MORC3: variants seen among roughly 807,000 people sequenced by gnomAD.
The protein encoded by MORC3 is MORC family CW-type zinc finger 3, also known as MORC family CW-type zinc finger protein 3.
Under a neutral mutation model 109.1 loss-of-function variants are expected in MORC3, and 31 were observed. That is an observed-to-expected ratio of 0.28 (90% CI 0.21 to 0.38). The LOEUF (loss-of-function observed/expected upper bound fraction) is 0.38. Ranked by LOEUF, MORC3 falls within the 10% of genes least tolerant of loss-of-function variation. The probability of loss-of-function intolerance (pLI) is 1.00; values close to 1 mark genes in which losing one functional copy is unlikely to be tolerated. For missense variants in MORC3, 867 were observed against 1,135.8 expected (o/e 0.76, Z 3.40); for synonymous variants, 395 against 380.7 (o/e 1.04, Z -0.44).
chr21:36,358,031 G>C (rs534278177), intron 10 of MORC3, among the ~76,000 whole-genome samples: 1 of 151,344 alleles, frequency 6.6e-6, no homozygotes, highest in African/African-American at 2.4e-5. Context: ...GTGAGCCACC[G>C]CGCTCATCCT....
intron 6 of MORC3, among the ~76,000 whole-genome samples, 173 bp downstream of exon 6, chr21:36,341,719 TCACA>T (rs138050385): frequency 6.6e-6 from 1 of 152,010 alleles, no homozygotes. Flanking sequence ...TGAGGCTGTA[TCACA>T]CACACACACA....
intron 1 of MORC3, among the ~76,000 whole-genome samples, chr21:36,325,655 G>T (rs889585491): frequency 3.3e-5 from 5 of 152,204 alleles, no homozygotes; most frequent in African/African-American, 9.7e-5. Flanking sequence ...CTAGGAATTT[G>T]ACTACGGTAG....
At chr21:36,355,957 G>T (rs1050529341) in intron 9 of MORC3, among the ~76,000 whole-genome samples, 2 of 152,088 alleles carry the variant, frequency 1.3e-5, no homozygotes, top group Non-Finnish European at 2.9e-5. Flanking sequence ...GGGTCCTGTG[G>T]TGTTTTTCAA....
chr21:36,374,202 G>A (rs944814400), intron 16 of MORC3, among the ~76,000 whole-genome samples: 24 of 152,048 alleles, frequency 1.6e-4, no homozygotes, highest in African/African-American at 5.6e-4. Context: ...CAATTCTCCT[G>A]CCTCAGCCTC....
chr21:36,364,279 T>C lies in MORC3; in HGVS notation c.1619+20T>C. The C allele has an allele frequency of 6.2e-7, 1 of 1,609,248 alleles. No individual in the cohort carries two copies. Among genetic ancestry groups the C allele is most frequent in the Admixed American group, 1.7e-5 (1 of 58,440 alleles). ...CAACAGGTCAGTGGCTAAGATTGGTTTTCCATTTGGGGAATATTAAACAGA... is the reference window on the plus strand; with the variant it reads ...CAACAGGTCAGTGGCTAAGATTGGTCTTCCATTTGGGGAATATTAAACAGA... On this transcript the variant is annotated intron_variant, in intron 14 of 16. Transcript: ENST00000400485.
chr21:36,342,740 T>A (rs915481880), intron 6 of MORC3, among the ~76,000 whole-genome samples: 5 of 151,774 alleles, frequency 3.3e-5, no homozygotes, highest in Non-Finnish European at 5.9e-5. Flanking sequence ...AGAAATGGGC[T>A]AGGCACAGTG....
chr21:36,369,913 A>G, intron 15 of MORC3, 37 bp downstream of exon 15: 1 of 1,587,636 alleles, frequency 6.3e-7, no homozygotes, highest in Non-Finnish European at 8.5e-7. Flanking sequence ...CATGGAGTCC[A>G]GGGCCATTTA....
At chr21:36,370,273 T>C (rs1182121629) in intron 15 of MORC3, among the ~76,000 whole-genome samples, 1 of 152,116 alleles carries the variant, frequency 6.6e-6, no homozygotes. Context: ...TCTTATTGAG[T>C]GTCTGTTATT....
rs369740355 is a variant in MORC3, at chr21:36,324,146, A to T, written c.39+3843A>T. ...CGCCCTGGCCTCCCAAAGTGCTGGGATGACAGGCATGAGGCACCGAGCCCG... is the reference window on the plus strand; with the variant it reads ...CGCCCTGGCCTCCCAAAGTGCTGGGTTGACAGGCATGAGGCACCGAGCCCG... On this transcript the variant is annotated intron_variant, in intron 1 of 16. Coordinates refer to ENST00000400485, the MANE Select transcript of MORC3 (RefSeq NM_015358.3). Among the ~76,000 whole-genome samples the T allele has an allele frequency of 2.0e-5, 3 of 152,116 alleles. No individual in the cohort carries two copies. The South Asian group carries it at 6.2e-4, about 31-fold the overall frequency.
intron 1 of MORC3, among the ~76,000 whole-genome samples, chr21:36,332,506 A>C (rs1486342212): frequency 6.6e-6 from 1 of 152,192 alleles, no homozygotes; most frequent in African/African-American, 2.4e-5. Context: ...GTGATCAGGC[A>C]ATATTTATGG....
chr21:36,356,171 A>G (rs1344077623), intron 9 of MORC3, among the ~76,000 whole-genome samples: 2 of 152,176 alleles, frequency 1.3e-5, no homozygotes, highest in African/African-American at 4.8e-5. Flanking sequence ...TTAAGACTGC[A>G]TCTTTGTTTA....
At chr21:36,365,430 C>G (rs964561154) in intron 14 of MORC3, among the ~76,000 whole-genome samples, 3 of 152,156 alleles carry the variant, frequency 2.0e-5, no homozygotes, top group African/African-American at 7.2e-5. Flanking sequence ...ACAAGCTTCT[C>G]TAAGATAGTG....
chr21:36,329,907 G>C (rs1455866675), intron 1 of MORC3, among the ~76,000 whole-genome samples: 2 of 151,564 alleles, frequency 1.3e-5, no homozygotes, highest in Non-Finnish European at 2.9e-5. Context: ...TTGTTGCCCA[G>C]ATTGGAGTGC....
intron 1 of MORC3, among the ~76,000 whole-genome samples, chr21:36,331,570 C>G (rs553630382): frequency 3.3e-5 from 5 of 151,854 alleles, no homozygotes; most frequent in Admixed American, 2.0e-4. Flanking sequence ...CCACTGCACT[C>G]CAGCCTGGGC....
Position 36,354,873 on chromosome 21 carries a change from T to C in MORC3, c.1104-1747T>C, listed in dbSNP as rs192158559. On this transcript the variant is annotated intron_variant, in intron 9 of 16. Coordinates refer to ENST00000400485, the MANE Select transcript of MORC3 (RefSeq NM_015358.3). Reference sequence around the variant, plus strand: ...AGTTGATTTCCTCAGGTGTGGTGTCTGTTCGCTCTTGAATTCCTGCAACAT... The same window carrying C: ...AGTTGATTTCCTCAGGTGTGGTGTCCGTTCGCTCTTGAATTCCTGCAACAT... 3.3e-5 allele frequency among the ~76,000 whole-genome samples: 5 copies of C among 152,332 alleles called. No homozygotes were observed. In the East Asian group the frequency reaches 9.6e-4, roughly 29 times the overall value.
intron 6 of MORC3, 46 bp from the exon 7 acceptor site, chr21:36,344,533 G>A (rs2085486695): frequency 6.3e-7 from 1 of 1,585,444 alleles, no homozygotes; most frequent in South Asian, 1.1e-5. Context: ...CTAAGTAATG[G>A]TGAGCAAACC....
chr21:36,340,631 TTTCTTTC>T (rs1227550419), intron 5 of MORC3, among the ~76,000 whole-genome samples: 2,894 of 101,088 alleles, frequency 0.029, 39 homozygotes, highest in Admixed American at 0.059. Flanking sequence ...CTTTTCTTTC[TTTCTTTC>T]TTTTTTTTTT....
At position 36,349,302 on chromosome 21, in the gene MORC3, T is replaced by G; in HGVS notation, c.1006-9T>G. 1 of 1,596,252 alleles carries G rather than the reference T, an allele frequency of 6.3e-7. No homozygotes were observed. Among genetic ancestry groups the G allele is most frequent in the Non-Finnish European group, 8.5e-7 (1 of 1,170,706 alleles). On this transcript the variant is annotated splice_polypyrimidine_tract_variant and intron_variant, in intron 8 of 16. Transcript: ENST00000400485. ...TGCTTAAAATGCTGATTTCATTTTA[T>G]TTTTTCAGGCAAACAACATGGGTGT...
intron 9 of MORC3, among the ~76,000 whole-genome samples, chr21:36,353,904 C>G (rs2146320575): frequency 6.6e-6 from 1 of 150,794 alleles, no homozygotes; most frequent in African/African-American, 2.4e-5. Context: ...GGTCCCATCT[C>G]TACTAAAAAT....
Sources: allele counts gnomAD v4.1 joint callset (sites outside exome capture counted in the v4.1 genomes callset), GRCh38; gene constraint gnomAD v4.1.1; transcripts MANE v1.5; gene names NCBI Gene and HGNC (gene_info 2026-07-23, HGNC 2026-07-21).